Variants in ATG10 observed in about 807,000 individuals in gnomAD.
ATG10 encodes ubiquitin-like-conjugating enzyme ATG10.
In ATG10, 30 loss-of-function variants were observed where a neutral mutation model predicts 32.1. The ratio of observed to expected loss-of-function variants is 0.94; its 90% confidence interval spans 0.70 to 1.27. ATG10 has a LOEUF of 1.27. ATG10 is among the 50% of genes most tolerant of loss of function. The pLI is 0.00. For missense variants in ATG10, 233 were observed against 262.3 expected (o/e 0.89, Z 0.77); for synonymous variants, 87 against 91.5 (o/e 0.95, Z 0.28).
intron 2 of ATG10, among the ~76,000 whole-genome samples, chr5:82,047,134 T>G (rs1245727260): frequency 6.6e-6 from 1 of 152,124 alleles, no homozygotes; most frequent in Non-Finnish European, 1.5e-5. Flanking sequence ...TAACTTTCGA[T>G]AGCAGGCCCC....
At chr5:82,167,641 T>C (rs1269484092) in intron 4 of ATG10, among the ~76,000 whole-genome samples, 1 of 152,196 alleles carries the variant, frequency 6.6e-6, no homozygotes, top group East Asian at 1.9e-4. Flanking sequence ...AGTAGTGGAC[T>C]TAGAAAAATA....
intron 5 of ATG10, among the ~76,000 whole-genome samples, chr5:82,228,031 C>G (rs919839317): frequency 1.5e-4 from 23 of 151,832 alleles, no homozygotes; most frequent in Non-Finnish European, 1.5e-4. Flanking sequence ...TATAGAGAAA[C>G]CCCACCTCTG....
At position 82,178,485 on chromosome 5, in the gene ATG10, C is replaced by T; in HGVS notation, c.356-5C>T. On this transcript the variant is annotated splice_polypyrimidine_tract_variant and splice_region_variant and intron_variant, in intron 4 of 7. Coordinates refer to ENST00000282185, the MANE Select transcript of ATG10 (RefSeq NM_031482.5). ...TAACTCAGTCTTTACCATGCACTTTCACAGATGGGAGACCTTTAACTCTGA... is the reference window on the plus strand; with the variant it reads ...TAACTCAGTCTTTACCATGCACTTTTACAGATGGGAGACCTTTAACTCTGA... 2 of 1,587,710 alleles carry T rather than the reference C, an allele frequency of 1.3e-6. No homozygotes were observed. Among genetic ancestry groups the T allele is most frequent in the Non-Finnish European group, 1.7e-6 (2 of 1,156,530 alleles).
chr5:82,135,521 A>G (rs539384559), intron 3 of ATG10, among the ~76,000 whole-genome samples: 1 of 152,142 alleles, frequency 6.6e-6, no homozygotes, highest in Non-Finnish European at 1.5e-5. Context: ...TTCATTTTGC[A>G]TGTAGTTGTG....
At chr5:82,083,200 TA>T (rs1217804344) in intron 3 of ATG10, among the ~76,000 whole-genome samples, 1 of 152,184 alleles carries the variant, frequency 6.6e-6, no homozygotes, top group Non-Finnish European at 1.5e-5. Flanking sequence ...GCCTGGCTCG[TA>T]GAATCCCACC....
intron 2 of ATG10, among the ~76,000 whole-genome samples, chr5:82,004,878 CAATT>C (rs1469648668): frequency 2.0e-5 from 3 of 152,152 alleles, no homozygotes; most frequent in African/African-American, 7.2e-5. Context: ...GGACTGGTAA[CAATT>C]AATTCTCAAA....
At chr5:82,248,305 C>G (rs568181374) in intron 5 of ATG10, among the ~76,000 whole-genome samples, 3 of 152,266 alleles carry the variant, frequency 2.0e-5, no homozygotes, top group East Asian at 3.9e-4. Context: ...CATTTAGTAC[C>G]TATTTTGCTA....
chr5:82,227,966 G>T (rs1008074581), intron 5 of ATG10, among the ~76,000 whole-genome samples: 6 of 152,162 alleles, frequency 3.9e-5, no homozygotes, highest in Non-Finnish European at 7.4e-5. Flanking sequence ...AGCACTTTGA[G>T]ATACCAAGGT....
intron 2 of ATG10, among the ~76,000 whole-genome samples, chr5:82,006,812 C>G (rs567944386): frequency 9.2e-5 from 14 of 152,218 alleles, no homozygotes; most frequent in Admixed American, 2.6e-4. Context: ...AATTTGATTA[C>G]TCTAGTTATC....
At chr5:82,238,571 T>G (rs921971188) in intron 5 of ATG10, among the ~76,000 whole-genome samples, 1 of 152,188 alleles carries the variant, frequency 6.6e-6, no homozygotes, top group Admixed American at 6.5e-5. Context: ...AAAACTAGAA[T>G]GTAAATTCTA....
chr5:82,221,916 G>T (rs1484111328), intron 5 of ATG10, among the ~76,000 whole-genome samples: 1 of 152,128 alleles, frequency 6.6e-6, no homozygotes, highest in Non-Finnish European at 1.5e-5. Context: ...ATTAACCAAA[G>T]AAACGTTTTG....
At chr5:82,167,676 G>T (rs1004788217) in intron 4 of ATG10, among the ~76,000 whole-genome samples, 3 of 152,130 alleles carry the variant, frequency 2.0e-5, no homozygotes. Context: ...CTCAAAAGTG[G>T]GTATCCAAAC....
At chr5:82,044,994 C>T (rs1249429733) in intron 2 of ATG10, among the ~76,000 whole-genome samples, 1 of 152,122 alleles carries the variant, frequency 6.6e-6, no homozygotes, top group East Asian at 1.9e-4. Context: ...CTCTGTCTCC[C>T]CAAGTTAGTA....
At chr5:82,110,054 G>T (rs1468863058) in intron 3 of ATG10, among the ~76,000 whole-genome samples, 5 of 151,684 alleles carry the variant, frequency 3.3e-5, no homozygotes, top group African/African-American at 4.8e-5. Context: ...GCGGTGTTTG[G>T]TTTTTTGTCC....
chr5:82,085,839 T>C (rs1242764450), intron 3 of ATG10, among the ~76,000 whole-genome samples: 1 of 152,170 alleles, frequency 6.6e-6, no homozygotes, highest in Non-Finnish European at 1.5e-5. Context: ...AGGACTATTT[T>C]ACTTATTTCT....
chr5:82,000,952 C>T (rs1299852045), intron 2 of ATG10, among the ~76,000 whole-genome samples: 4 of 151,964 alleles, frequency 2.6e-5, no homozygotes, highest in East Asian at 1.9e-4. Context: ...CCACTGCACC[C>T]GGCCAAAAAT....
chr5:82,165,807 G>C (rs1320088652), intron 4 of ATG10, among the ~76,000 whole-genome samples: 1 of 152,182 alleles, frequency 6.6e-6, no homozygotes, highest in Non-Finnish European at 1.5e-5. Context: ...TTATTCAGGG[G>C]GAGGAAAATG....
At chr5:82,145,961 C>A (rs1235589350) in intron 3 of ATG10, among the ~76,000 whole-genome samples, 3 of 152,188 alleles carry the variant, frequency 2.0e-5, no homozygotes, top group African/African-American at 7.2e-5. Flanking sequence ...CCCACCTTGG[C>A]CTCCCAAAGT....
At position 81,987,656 on chromosome 5, in the gene ATG10, G is replaced by GCCA; in HGVS notation, c.86_87insCCA (p.Ser29_Trp30insHis). On this transcript the variant is annotated inframe_insertion, in exon 2 of 8. Transcript: ENST00000282185. ...AAACATTCACAACAGATAGGTGATA[G>GCCA]TTGGGAATGGAGACCATCAAAGGTA... The GCCA allele has an allele frequency of 1.2e-6, 2 of 1,610,424 alleles. No homozygotes were observed. Among genetic ancestry groups the GCCA allele is most frequent in the Non-Finnish European group, 1.7e-6 (2 of 1,178,384 alleles).
Sources: allele counts gnomAD v4.1 joint callset (sites outside exome capture counted in the v4.1 genomes callset), GRCh38; gene constraint gnomAD v4.1.1; transcripts MANE v1.5; gene names NCBI Gene and HGNC (gene_info 2026-07-23, HGNC 2026-07-21).